The following BCR variants were observed in gnomAD, a reference collection of about 807,000 sequenced individuals.
BCR encodes breakpoint cluster region protein.
Under a neutral mutation model 138.6 loss-of-function variants are expected in BCR, and 58 were observed. That is an observed-to-expected ratio of 0.42 (90% CI 0.34 to 0.52). The LOEUF is 0.52. BCR is among the 20% of genes least tolerant of loss of function. The pLI, the probability that BCR is intolerant of heterozygous loss-of-function variation, is 0.06. For synonymous variants in BCR, 786 were observed against 730.1 expected (o/e 1.08, Z -1.23); for missense variants, 1,599 against 1,727.2 (o/e 0.93, Z 1.32).
Position 23,229,455 on chromosome 22 carries a change from G to A in BCR, c.1280-24344G>A, listed in dbSNP as rs151070065. 4.7e-4 allele frequency among the ~76,000 whole-genome samples: 72 copies of A among 152,076 alleles called. No homozygotes were observed. In the East Asian group the frequency reaches 9.8e-3, roughly 21 times the overall value. ...CTTGAGTGTAATATTATGAGACTCC[G>A]GACCCTGTTTAAATGTTCTGAAAAT... On this transcript the variant is annotated intron_variant, in intron 1 of 22. Transcript: ENST00000305877.
In BCR at chr22:23,299,710, A is replaced by G. The variant is rs879890268; in HGVS notation, c.3012+4555A>G. 5.5e-3 allele frequency among the ~76,000 whole-genome samples: 694 copies of G among 125,306 alleles called. 5 individuals are homozygous for G. The highest frequency in any genetic ancestry group is 9.4e-3 in the Non-Finnish European group (543 of 57,702). 82.2% of individuals were successfully genotyped at this position (125,306 alleles called of 152,430 possible). ...ATCTAGAGTTTATATATATATATAT[A>G]TATATATAGTAAAATATATATTGGC... On this transcript the variant is annotated intron_variant, in intron 16 of 22. Transcript: ENST00000305877.
chr22:23,282,249 CATG>C (rs757001493), intron 8 of BCR, among the ~76,000 whole-genome samples: 3 of 152,230 alleles, frequency 2.0e-5, no homozygotes, highest in Non-Finnish European at 1.5e-5. Flanking sequence ...TCCAGCTCTA[CATG>C]ATGTTTCTCC....
chr22:23,243,185 C>T (rs1279935959), intron 1 of BCR, among the ~76,000 whole-genome samples: 1 of 152,046 alleles, frequency 6.6e-6, no homozygotes, highest in South Asian at 2.1e-4. Flanking sequence ...TCTGTGGGAC[C>T]TGAGGTTATG....
intron 8 of BCR, among the ~76,000 whole-genome samples, chr22:23,277,416 G>A (rs889775345): frequency 1.3e-5 from 2 of 152,144 alleles, no homozygotes; most frequent in Non-Finnish European, 2.9e-5. Flanking sequence ...TCTGTGAGCC[G>A]ATAGGACGTT....
chr22:23,262,874 A>G, intron 4 of BCR: 2 of 1,057,530 alleles, frequency 1.9e-6, no homozygotes, highest in Non-Finnish European at 2.3e-6. Context: ...ACGGCGAAGG[A>G]GGCAGCGGGC....
At chr22:23,237,928 C>T (rs1359122406) in intron 1 of BCR, among the ~76,000 whole-genome samples, 1 of 152,168 alleles carries the variant, frequency 6.6e-6, no homozygotes, top group Non-Finnish European at 1.5e-5. Flanking sequence ...CGAAAGAGTG[C>T]GCTGCTAAAT....
intron 1 of BCR, among the ~76,000 whole-genome samples, chr22:23,209,888 C>A (rs1568934824): frequency 1.3e-5 from 2 of 152,176 alleles, no homozygotes; most frequent in East Asian, 3.8e-4. Context: ...CCTTAGCCCC[C>A]TGAGTAACTG....
intron 2 of BCR, among the ~76,000 whole-genome samples, chr22:23,256,304 GTGGACTCCTGTGGCATGGGTCT>G (rs1474528857): frequency 1.8e-4 from 28 of 152,272 alleles, no homozygotes; most frequent in African/African-American, 6.0e-4. Flanking sequence ...TGGGGTGTCA[GTGGACTCCTGTGGCATGGGTCT>G]TCTCTGTGAA....
rs551359992 is a variant in BCR, at chr22:23,307,108, A to C, written c.3013-2316A>C. ...TGTGTTTCCAGTTACTTGGTTGGTTAGTAGAGCCAGGGTCTCTCGCTTTGT... is the reference window on the plus strand; with the variant it reads ...TGTGTTTCCAGTTACTTGGTTGGTTCGTAGAGCCAGGGTCTCTCGCTTTGT... On this transcript the variant is annotated intron_variant, in intron 16 of 22. Transcript: ENST00000305877. 2.6e-5 allele frequency among the ~76,000 whole-genome samples: 4 copies of C among 152,314 alleles called. No individual in the cohort carries two copies. In the Middle Eastern group the frequency reaches 0.01, roughly 389 times the overall value.
intron 1 of BCR, among the ~76,000 whole-genome samples, chr22:23,245,998 G>A (rs2073153722): frequency 6.6e-6 from 1 of 152,198 alleles, no homozygotes; most frequent in Non-Finnish European, 1.5e-5. Flanking sequence ...CTGTCTTTAT[G>A]GGTTTACGTA....
At chr22:23,285,265 G>A (rs2073698848) in intron 10 of BCR, 64 bp downstream of exon 10, 18 of 1,515,674 alleles carry the variant, frequency 1.2e-5, no homozygotes, top group Non-Finnish European at 1.3e-5. Context: ...CCCCGCACAC[G>A]GCCAGTGGGT....
chr22:23,253,465 G>A (rs995132813), intron 1 of BCR, among the ~76,000 whole-genome samples: 9 of 152,190 alleles, frequency 5.9e-5, no homozygotes, highest in Admixed American at 5.2e-4. Flanking sequence ...GTATTACTTT[G>A]GAGATTCCAA....
In BCR at chr22:23,255,160, C is replaced by T. The variant is rs902998678; in HGVS notation, c.1461+1180C>T. ...TTCTGGGGCTGACATGTTAGCTGCA[C>T]GCCTGGGACTGCTGCTTACGTATAT... On this transcript the variant is annotated intron_variant, in intron 2 of 22. Transcript: ENST00000305877. Among the ~76,000 whole-genome samples, 6 of 152,182 alleles carry T rather than the reference C, an allele frequency of 3.9e-5. No individual in the cohort carries two copies. The South Asian group carries it at 8.3e-4, about 21-fold the overall frequency.
At chr22:23,226,700 A>G (rs1447858138) in intron 1 of BCR, among the ~76,000 whole-genome samples, 4 of 152,228 alleles carry the variant, frequency 2.6e-5, no homozygotes, top group African/African-American at 9.6e-5. Flanking sequence ...CTATGATGAC[A>G]AGGTTGAGTA....
At chr22:23,187,308 T>A (rs2146196481) in intron 1 of BCR, among the ~76,000 whole-genome samples, 1 of 146,472 alleles carries the variant, frequency 6.8e-6, no homozygotes, top group Admixed American at 7.0e-5. Context: ...CACAGTTCTC[T>A]GGTTGGCTAG....
At chr22:23,211,990 C>T (rs1941621139) in intron 1 of BCR, among the ~76,000 whole-genome samples, 1 of 152,120 alleles carries the variant, frequency 6.6e-6, no homozygotes, top group African/African-American at 2.4e-5. Context: ...TGCAGGACTC[C>T]CCTACCCCAT....
At chr22:23,232,705 G>A (rs921355045) in intron 1 of BCR, among the ~76,000 whole-genome samples, 10 of 152,230 alleles carry the variant, frequency 6.6e-5, no homozygotes, top group East Asian at 3.8e-4. Flanking sequence ...GAGCATGGGC[G>A]GCCCCATCTG....
At chr22:23,233,847 GC>G (rs2072990438) in intron 1 of BCR, among the ~76,000 whole-genome samples, 1 of 151,350 alleles carries the variant, frequency 6.6e-6, no homozygotes, top group Admixed American at 6.6e-5. Context: ...GACTTCACCT[GC>G]CCAGGGAGGC....
At chr22:23,291,266 G>C (rs555592790) in intron 14 of BCR, 1 of 152,124 alleles carries the variant, frequency 6.6e-6, no homozygotes, top group African/African-American at 2.4e-5. Context: ...AAGCTTACCA[G>C]GGATTGTTGG....
Sources: gnomAD v4.1 joint callset for allele counts (sites outside exome capture counted in the v4.1 genomes callset) on GRCh38, gnomAD v4.1.1 for gene constraint, MANE v1.5 for transcripts, NCBI Gene and HGNC (gene_info 2026-07-23, HGNC 2026-07-21) for gene names.